Variants in EDDM13 observed in about 807,000 individuals in gnomAD.
The protein encoded by EDDM13 is epididymal protein 13.
Under a neutral mutation model 17.8 loss-of-function variants are expected in EDDM13, and 24 were observed. The observed-to-expected ratio is 1.35, with a 90% CI of 0.98 to 1.90. The LOEUF (loss-of-function observed/expected upper bound fraction) is 1.90. Ranked by LOEUF, EDDM13 falls within the 40% of genes most tolerant of loss-of-function variation. EDDM13 has a pLI of 0.00. For synonymous variants in EDDM13, 31 were observed against 37.5 expected (o/e 0.83, Z 0.63); for missense variants, 97 against 100.8 (o/e 0.96, Z 0.16).
At chr19:56,289,197 G>A (rs1229519396) in intron 8 of EDDM13, among the ~76,000 whole-genome samples, 3 of 152,210 alleles carry the variant, frequency 2.0e-5, no homozygotes, top group Non-Finnish European at 4.4e-5. Context: ...CTAAGGGTCT[G>A]AGAGCTGCAT....
chr19:56,293,164 G>A (rs540864384), intron 9 of EDDM13, among the ~76,000 whole-genome samples: 120 of 152,264 alleles, frequency 7.9e-4, no homozygotes, highest in African/African-American at 2.8e-3. Flanking sequence ...ATTGAAAAAT[G>A]GTATCCTGCA....
intron 13 of EDDM13, 54 bp downstream of exon 13, chr19:56,302,149 A>AG (rs2040278796): frequency 2.5e-6 from 3 of 1,208,952 alleles, no homozygotes; most frequent in Admixed American, 4.2e-5. Context: ...AGGAAAGAGG[A>AG]GGGAAGTGGG....
rs553757494 is a variant in EDDM13 at position 56,284,481 on chromosome 19, A to G, written c.127+275A>G. On this transcript the variant is annotated intron_variant, in intron 5 of 14. Transcript: ENST00000649256. ...TGGGAAACAGAGATAAGTAAACAGA[A>G]ATTAGATTAGAGACAAGTGATGCTT... 2.0e-4 allele frequency among the ~76,000 whole-genome samples: 30 copies of G among 147,842 alleles called. No homozygotes were observed. The East Asian group carries it at 5.7e-3, about 28-fold the overall frequency.
At chr19:56,284,143 A>G in intron 4 of EDDM13, 55 bp from the exon 5 acceptor site, 1 of 985,332 alleles carries the variant, frequency 1.0e-6, no homozygotes, top group Non-Finnish European at 1.2e-6. Flanking sequence ...AACATTCTGG[A>G]CCACGCATGT....
intron 2 of EDDM13, among the ~76,000 whole-genome samples, chr19:56,276,960 T>C (rs1478100470): frequency 6.6e-6 from 1 of 152,114 alleles, no homozygotes; most frequent in African/African-American, 2.4e-5. Flanking sequence ...AAAAACTATT[T>C]CTATTTACAA....
At chr19:56,284,082 C>T (rs2038920487) in intron 4 of EDDM13, 116 bp from the exon 5 acceptor site, 1 of 753,634 alleles carries the variant, frequency 1.3e-6, no homozygotes, top group African/African-American at 1.9e-5. Context: ...AGCATCTGAC[C>T]TCGTTTTTGG....
At chr19:56,303,289 T>C (rs1568728480) in intron 13 of EDDM13, among the ~76,000 whole-genome samples, 1 of 151,634 alleles carries the variant, frequency 6.6e-6, no homozygotes, top group East Asian at 1.9e-4. Context: ...ACCAGCCTGG[T>C]CAACATGGTG....
intron 1 of EDDM13, among the ~76,000 whole-genome samples, chr19:56,273,951 G>A (rs766199458): frequency 6.6e-6 from 1 of 152,064 alleles, no homozygotes; most frequent in South Asian, 2.1e-4. Context: ...TCAGATTAGG[G>A]GCAAACACAC....
chr19:56,274,032 C>T (rs528585631), intron 1 of EDDM13, among the ~76,000 whole-genome samples: 2 of 152,242 alleles, frequency 1.3e-5, no homozygotes, highest in South Asian at 4.1e-4. Flanking sequence ...ACTGAGGAAA[C>T]AGCTCACAGG....
intron 13 of EDDM13, among the ~76,000 whole-genome samples, chr19:56,303,476 A>G (rs1359673002): frequency 1.3e-5 from 2 of 151,610 alleles, no homozygotes; most frequent in African/African-American, 4.9e-5. Flanking sequence ...TCAAAAAATT[A>G]AAGTAAATAG....
intron 13 of EDDM13, chr19:56,302,805 G>A (rs2147282613): frequency 2.5e-6 from 1 of 398,294 alleles, no homozygotes; most frequent in Non-Finnish European, 4.4e-6. Flanking sequence ...CACTCATTCT[G>A]CCTCTCTCTC....
chr19:56,275,308 G>T (rs2038164699), intron 1 of EDDM13, among the ~76,000 whole-genome samples: 1 of 152,140 alleles, frequency 6.6e-6, no homozygotes, highest in Non-Finnish European at 1.5e-5. Context: ...TTCTCCAATG[G>T]TGATTTTCTA....
At chr19:56,275,855 T>C (rs939071457) in intron 1 of EDDM13, among the ~76,000 whole-genome samples, 13 of 152,240 alleles carry the variant, frequency 8.5e-5, no homozygotes, top group African/African-American at 3.1e-4. Flanking sequence ...GCCCAGAGCA[T>C]GTACCATGTG....
chr19:56,284,148 G>A (rs1269982223), intron 4 of EDDM13, 50 bp from the exon 5 acceptor site: 5 of 985,382 alleles, frequency 5.1e-6, no homozygotes, highest in African/African-American at 1.7e-5. Context: ...TCTGGACCAC[G>A]CATGTAACCT....
At position 56,279,385 on chromosome 19, in the gene EDDM13, C is replaced by T. The variant is rs917378381; in HGVS notation, c.104-2308C>T. Among the ~76,000 whole-genome samples, 10 of 152,184 alleles carry T rather than the reference C, an allele frequency of 6.6e-5. No individual in the cohort carries two copies. The East Asian group carries it at 7.7e-4, about 12-fold the overall frequency. ...TCCTATAGCCTAGCAAAATTCCTAGCGCTCAGTAGGACTAAATAAATGGAA... is the reference window on the plus strand; with the variant it reads ...TCCTATAGCCTAGCAAAATTCCTAGTGCTCAGTAGGACTAAATAAATGGAA... On this transcript the variant is annotated intron_variant, in intron 2 of 14. Coordinates refer to ENST00000649256, the MANE Select transcript of EDDM13 (RefSeq NM_001354658.2).
chr19:56,297,648 T>C, intron 12 of EDDM13, 117 bp downstream of exon 12: 1 of 527,094 alleles, frequency 1.9e-6, no homozygotes, highest in African/African-American at 2.1e-5. Flanking sequence ...GCAGGGGCTT[T>C]GGTACCTGAG....
At position 56,282,519 on chromosome 19, in the gene EDDM13, T is replaced by G; in HGVS notation, c.118+20T>G. ...TGAAAGGTAAGCTTCTCATTCCATC[T>G]CTTTCCCTTTGGGGTCTGTTTGCCT... is the stretch of plus-strand genomic sequence containing the variant. On this transcript the variant is annotated intron_variant, in intron 4 of 14. Transcript: ENST00000649256. 2.0e-6 allele frequency: 2 copies of G among 985,316 alleles called. No homozygotes were observed. The highest frequency in any genetic ancestry group is 2.4e-6 in the Non-Finnish European group (2 of 829,866). The allele number at this position is 985,316 out of a possible 1,614,324, so 61.0% of individuals were successfully genotyped here.
intron 9 of EDDM13, among the ~76,000 whole-genome samples, chr19:56,292,990 A>G (rs1009139386): frequency 6.6e-5 from 10 of 152,018 alleles, no homozygotes; most frequent in African/African-American, 2.4e-4. Flanking sequence ...GGTTGATTCT[A>G]CCTTTCGGCT....
rs2038373985 is a variant in EDDM13, at chr19:56,277,748, CAGAA to C, written c.103+1640_103+1643del. On this transcript the variant is annotated intron_variant, in intron 2 of 14. Coordinates refer to ENST00000649256, the MANE Select transcript of EDDM13 (RefSeq NM_001354658.2). ...TAAAAAAATAAGGATAATAGAGACT[CAGAA>C]GGAAGGAGGGTGGCAGGGAGGTGAG... is the stretch of plus-strand genomic sequence containing the variant. Among the ~76,000 whole-genome samples, 9 of 152,062 alleles carry C rather than the reference CAGAA, an allele frequency of 5.9e-5. No homozygotes were observed. The South Asian group carries it at 1.9e-3, about 32-fold the overall frequency.
Sources: allele counts gnomAD v4.1 joint callset (sites outside exome capture counted in the v4.1 genomes callset), GRCh38; gene constraint gnomAD v4.1.1; transcripts MANE v1.5; gene names NCBI Gene and HGNC (gene_info 2026-07-23, HGNC 2026-07-21).